Variants in KLHL23 observed in about 807,000 individuals in gnomAD.
The protein encoded by KLHL23 is kelch-like protein 23.
KLHL23 carries 33 observed loss-of-function variants against 48.9 expected under a neutral mutation model. The ratio of observed to expected loss-of-function variants is 0.67; its 90% CI spans 0.51 to 0.90. The LOEUF (loss-of-function observed/expected upper bound fraction) is 0.90, where lower values mean the gene tolerates loss of function less well. KLHL23 is among the 40% of genes least tolerant of loss of function. The probability of loss-of-function intolerance (pLI) is 0.00; values close to 1 mark genes in which losing one functional copy is unlikely to be tolerated. For missense variants in KLHL23, 608 were observed against 669.6 expected (o/e 0.91, Z 1.02); for synonymous variants, 234 against 231.6 (o/e 1.01, Z -0.09).
intron 3 of KLHL23, among the ~76,000 whole-genome samples, chr2:169,746,547 A>G (rs1201973744): frequency 6.6e-6 from 1 of 152,234 alleles, no homozygotes; most frequent in Non-Finnish European, 1.5e-5. Flanking sequence ...ACTCAGTGCT[A>G]GGAGCACAGT....
intron 3 of KLHL23, among the ~76,000 whole-genome samples, chr2:169,745,399 G>A (rs1206979673): frequency 6.6e-6 from 1 of 150,968 alleles, no homozygotes; most frequent in Non-Finnish European, 1.5e-5. Flanking sequence ...TGTAGTCCTA[G>A]CTACTCGGGA....
chr2:169,739,817 T>A (rs1170884380), intron 2 of KLHL23, among the ~76,000 whole-genome samples: 1 of 152,220 alleles, frequency 6.6e-6, no homozygotes, highest in Non-Finnish European at 1.5e-5. Flanking sequence ...ACCATACTAA[T>A]TCTACAGCCT....
intron 2 of KLHL23, among the ~76,000 whole-genome samples, chr2:169,738,841 CCCTCCCCTTCCTCA>C (rs1558946579): frequency 1.1e-4 from 1 of 8,742 alleles, no homozygotes. Flanking sequence ...CCCCTCCTCC[CCCTCCCCTTCCTCA>C]CCCTCCCCTC....
chr2:169,749,368 CTT>C (rs1688883975), intron 3 of KLHL23, 52 bp from the exon 4 acceptor site: 12 of 1,471,292 alleles, frequency 8.2e-6, no homozygotes, highest in Non-Finnish European at 1.1e-5. Context: ...TGTGGAATCT[CTT>C]TTGTTTGTTA....
Position 169,735,528 on chromosome 2 carries a change from C to G in KLHL23, c.514C>G (p.Gln172Glu). The G allele has an allele frequency of 6.2e-7, 1 of 1,613,770 alleles. No individual in the cohort carries two copies. Among genetic ancestry groups the G allele is most frequent in the Non-Finnish European group, 8.5e-7 (1 of 1,179,984 alleles). The change falls in exon 2 of 4, where the codon CAA (glutamine) becomes GAA (glutamate). Residue 172 changes from glutamine to glutamate, a missense_variant. Coordinates refer to ENST00000392647, the MANE Select transcript of KLHL23 (RefSeq NM_144711.6). The surrounding 1 kb of genome is among the most constrained non-coding windows in gnomAD (Gnocchi z 4.5). ...TTCAAAGTTTAAGGAAGTGTGGCAACAAGAAGAATTTCTGGAAATCAGCCT... is the reference window on the plus strand; with the variant it reads ...TTCAAAGTTTAAGGAAGTGTGGCAAGAAGAAGAATTTCTGGAAATCAGCCT... ...LCSKFKEVWQ[Q>E]EEFLEISLEK...
intron 2 of KLHL23, among the ~76,000 whole-genome samples, chr2:169,740,766 T>TTTTATATATATATATATATATA (rs1553477016): frequency 3.9e-4 from 49 of 125,450 alleles, no homozygotes; most frequent in East Asian, 3.8e-3. Flanking sequence ...CTTTTTTATA[T>TTTTATATATATATATATATATA]TATATATATA....
chr2:169,738,092 T>TG (rs1367823363), intron 2 of KLHL23, among the ~76,000 whole-genome samples: 1 of 152,330 alleles, frequency 6.6e-6, no homozygotes, highest in East Asian at 1.9e-4. Context: ...CTCCCTCACC[T>TG]GCTAACTGGG....
At chr2:169,747,389 T>TAAAAAAAAAAAAAAAAAAAAAA (rs10690582) in intron 3 of KLHL23, among the ~76,000 whole-genome samples, 9 of 69,202 alleles carry the variant, frequency 1.3e-4, no homozygotes, top group Non-Finnish European at 1.8e-4. Flanking sequence ...ACTCTGTCTC[T>TAAAAAAAAAAAAAAAAAAAAAA]AAAAAAAAAA....
At chr2:169,734,341 C>G (rs1000065296) in intron 1 of KLHL23, among the ~76,000 whole-genome samples, 18 of 148,180 alleles carry the variant, frequency 1.2e-4, no homozygotes, top group Admixed American at 1.0e-3. Flanking sequence ...CCGCGGGCGG[C>G]ACGCGGCGCC....
Position 169,750,552 on chromosome 2 carries a change from A to T in KLHL23, c.*820A>T, listed in dbSNP as rs1271982562. The stretch of plus-strand genomic sequence containing the variant: ...AATCTTCTCTACCTCTACAAAATCA[A>T]CCCTTAACACTTTTTTCACCTTCAG... On this transcript the variant is annotated 3_prime_UTR_variant, in exon 4 of 4. Coordinates refer to ENST00000392647, the MANE Select transcript of KLHL23 (RefSeq NM_144711.6). The T allele has an allele frequency of 6.6e-6, 1 of 151,986 alleles. No homozygotes were observed. The highest frequency in any genetic ancestry group is 1.5e-5 in the Non-Finnish European group (1 of 68,004). The allele number at this position is 151,986 out of a possible 1,614,324, so 9.4% of individuals were successfully genotyped here.
rs1305055696 is a variant in KLHL23 at position 169,751,843 on chromosome 2, ATTAC to A, written c.*2114_*2117del. 1.3e-5 allele frequency: 2 copies of A among 152,086 alleles called. No homozygotes were observed. The highest frequency in any genetic ancestry group is 4.8e-5 in the African/African-American group (2 of 41,440). The allele number at this position is 152,086 out of a possible 1,614,324, so 9.4% of individuals were successfully genotyped here. A position where few individuals can be genotyped will look rare whatever the true frequency, so the allele number is the denominator to read the frequency against. ...TATTTATTTAAATCTTTTCTTTAAT[ATTAC>A]TTTGTATTTTCAATAAAAATAAATC... On this transcript the variant is annotated 3_prime_UTR_variant, in exon 4 of 4. Transcript: ENST00000392647.
intron 2 of KLHL23, among the ~76,000 whole-genome samples, chr2:169,740,389 C>T (rs1688644674): frequency 1.3e-5 from 2 of 152,212 alleles, no homozygotes; most frequent in South Asian, 4.1e-4. Context: ...TCTGGAATTA[C>T]AGGCATTACT....
chr2:169,740,004 G>A (rs75115214), intron 2 of KLHL23, among the ~76,000 whole-genome samples: 4,924 of 152,260 alleles, frequency 0.032, 105 homozygotes, highest in East Asian at 0.1. Flanking sequence ...AGACCTATTT[G>A]GGGCACTTAC....
intron 2 of KLHL23, among the ~76,000 whole-genome samples, chr2:169,740,688 T>C (rs1400173786): frequency 6.7e-6 from 1 of 149,796 alleles, no homozygotes; most frequent in East Asian, 2.0e-4. Flanking sequence ...GACCTCGTGA[T>C]CCACCCACCT....
At chr2:169,744,440 T>C (rs1289937966) in intron 3 of KLHL23, among the ~76,000 whole-genome samples, 1 of 152,146 alleles carries the variant, frequency 6.6e-6, no homozygotes, top group Non-Finnish European at 1.5e-5. Flanking sequence ...AAGTTTCAGG[T>C]GTATTCCATT....
At position 169,749,642 on chromosome 2, in the gene KLHL23, A is replaced by T; in HGVS notation, c.1587A>T (p.Lys529Asn). 1 of 1,614,118 alleles carries T rather than the reference A, an allele frequency of 6.2e-7. No individual in the cohort carries two copies. The highest frequency in any genetic ancestry group is 8.5e-7 in the Non-Finnish European group (1 of 1,180,028). ...GAACGTATCTTCAGAGCATTGAGAA[A>T]TATGATCCAGATCTTAATAAGTGGG... Reference protein sequence around the residue: ...SKGTYLQSIEKYDPDLNKWEI... With the variant: ...SKGTYLQSIENYDPDLNKWEI... Residue 529 changes from lysine (K) to asparagine (N), a missense_variant, in exon 4 of 4, where the codon AAA (lysine) becomes AAT (asparagine). Physicochemically the swap from Lys to Asn is moderately conservative, Grantham distance 94 (BLOSUM62 0). This residue lies in a region of KLHL23 where 179 missense variants were observed against 169.9 expected (regional missense o/e 1.05). Coordinates refer to ENST00000392647, the MANE Select transcript of KLHL23 (RefSeq NM_144711.6).
In KLHL23 at chr2:169,741,440, C is replaced by T. The variant is rs768092832; in HGVS notation, c.1269C>T (p.Gly423=). ...ATGATGTTATCTACGTCATTGGTGG[C>T]CACTGTGGCTACAGAGGAAGCTGCA... ...VLHDVIYVIG[G]HCGYRGSCTY... The change falls in exon 3 of 4, where the codon GGC becomes GGT. Residue 423 remains glycine, a synonymous_variant. Coordinates refer to ENST00000392647, the MANE Select transcript of KLHL23 (RefSeq NM_144711.6). 1 of 1,613,898 alleles carries T rather than the reference C, an allele frequency of 6.2e-7. No individual in the cohort carries two copies. Among genetic ancestry groups the T allele is most frequent in the South Asian group, 1.1e-5 (1 of 91,062 alleles).
Position 169,736,218 on chromosome 2 carries a change from A to T in KLHL23, c.1204A>T (p.Met402Leu), listed in dbSNP as rs1430267051. 4 of 1,606,784 alleles carry T rather than the reference A, an allele frequency of 2.5e-6. No individual in the cohort carries two copies. The highest frequency in any genetic ancestry group is 3.4e-6 in the Non-Finnish European group (4 of 1,177,024). ...LKEKWIPIANMIKGVGNATAC... is the reference protein window; with the variant it reads ...LKEKWIPIANLIKGVGNATAC... The stretch of plus-strand genomic sequence containing the variant: ...AGAGAAATGGATTCCTATTGCAAAC[A>T]TGATTAAAGGTAAGTGGAGATTATG... The change falls in exon 2 of 4, where the codon ATG becomes TTG. Residue 402 changes from methionine to leucine, a missense_variant. By Grantham distance (15) the Met-to-Leu change is conservative (BLOSUM62 2). Transcript: ENST00000392647.
intron 1 of KLHL23, among the ~76,000 whole-genome samples, chr2:169,734,303 G>T (rs1688456670): frequency 6.8e-6 from 1 of 147,572 alleles, no homozygotes; most frequent in Non-Finnish European, 1.5e-5. Context: ...TGCGCGGAGC[G>T]CCGGGCAGAG....
Sources: allele counts gnomAD v4.1 joint callset (sites outside exome capture counted in the v4.1 genomes callset), GRCh38; gene constraint gnomAD v4.1.1; regional missense constraint gnomAD v4.1.1; non-coding constraint Gnocchi (gnomAD v3.1); transcripts MANE v1.5; gene names NCBI Gene and HGNC (gene_info 2026-07-23, HGNC 2026-07-21).